CFAP263: variants seen among roughly 807,000 people sequenced by gnomAD.
CFAP263 encodes the protein cilia- and flagella-associated protein 263.
chr16:58,272,199 G>A, the CFAP263 span, among the ~76,000 whole-genome samples: 1 of 151,934 alleles, frequency 6.6e-6, no homozygotes, highest in Non-Finnish European at 1.5e-5. Context: ...TGTATTTTTA[G>A]TAGAGACGGG....
chr16:58,259,907 GAA>G, the CFAP263 span: 2 of 1,604,000 alleles, frequency 1.2e-6, no homozygotes, highest in Non-Finnish European at 1.7e-6. Flanking sequence ...AAGTTCAGAG[GAA>G]AAAAATGCTT....
the CFAP263 span, among the ~76,000 whole-genome samples, chr16:58,250,905 C>T: frequency 6.3e-4 from 96 of 152,100 alleles, 1 homozygote; most frequent in African/African-American, 2.2e-3. Context: ...AAGAATGGCC[C>T]GATAGTCTGC....
the CFAP263 span, among the ~76,000 whole-genome samples, chr16:58,268,010 GAGAGAA>G: frequency 1.4e-5 from 2 of 146,638 alleles, no homozygotes; most frequent in African/African-American, 5.2e-5. Context: ...AGGAAAGAGA[GAGAGAA>G]AGAGAGAGAG....
the CFAP263 span, among the ~76,000 whole-genome samples, chr16:58,265,016 C>T: frequency 1.3e-5 from 2 of 152,172 alleles, no homozygotes; most frequent in African/African-American, 2.4e-5. Context: ...AGCTTTTTCT[C>T]TGACTTTATG....
chr16:58,260,303 G>C, the CFAP263 span, among the ~76,000 whole-genome samples: 5 of 152,178 alleles, frequency 3.3e-5, no homozygotes, highest in African/African-American at 4.8e-5. Flanking sequence ...AGGAAACAGA[G>C]TCTCCCCTAG....
the CFAP263 span, among the ~76,000 whole-genome samples, chr16:58,264,835 G>GA: frequency 6.6e-6 from 1 of 152,314 alleles, no homozygotes; most frequent in African/African-American, 2.4e-5. Flanking sequence ...ACTGAAGTGT[G>GA]AAACCTTGTT....
At chr16:58,280,672 G>A in the CFAP263 span, 18 of 1,614,040 alleles carry the variant, frequency 1.1e-5, 1 homozygote, top group South Asian at 5.5e-5. Flanking sequence ...GCCAGGGCAC[G>A]TCTCACCACC....
the CFAP263 span, chr16:58,258,408 C>T: frequency 1.3e-5 from 21 of 1,613,742 alleles, no homozygotes; most frequent in Middle Eastern, 1.6e-4. Flanking sequence ...AGTGAAGTTT[C>T]GAGAGAAGTG....
At chr16:58,259,118 T>C in the CFAP263 span, among the ~76,000 whole-genome samples, 3 of 152,212 alleles carry the variant, frequency 2.0e-5, no homozygotes, top group African/African-American at 7.2e-5. Context: ...TGTTATTTGT[T>C]TCAAGATCTG....
the CFAP263 span, among the ~76,000 whole-genome samples, chr16:58,257,010 A>ATTTGTTTTT: frequency 2.0e-5 from 1 of 50,188 alleles, no homozygotes; most frequent in Non-Finnish European, 3.6e-5. Context: ...GCATATATGA[A>ATTTGTTTTT]TTTCTTTTTT....
the CFAP263 span, among the ~76,000 whole-genome samples, chr16:58,269,393 AGAGGAAAGAAAGGAAAGAAAGGAAGG>A: frequency 3.1e-5 from 3 of 97,736 alleles, no homozygotes; most frequent in Non-Finnish European, 6.5e-5. Context: ...AAGGAAGGAA[AGAGGAAAGAAAGGAAAGAAAGGAAGG>A]GAGGAAAGAA....
chr16:58,262,631 C>A, the CFAP263 span: 1 of 1,314,788 alleles, frequency 7.6e-7, no homozygotes, highest in Non-Finnish European at 1.0e-6. Context: ...TCCAGTTTCA[C>A]ACAGCGTTTG....
chr16:58,259,907 G>GA, the CFAP263 span: 5 of 1,604,104 alleles, frequency 3.1e-6, no homozygotes, highest in Middle Eastern at 1.7e-4. Flanking sequence ...AAGTTCAGAG[G>GA]AAAAAAATGC....
the CFAP263 span, among the ~76,000 whole-genome samples, chr16:58,269,394 G>GAAAGAA: frequency 2.6e-5 from 3 of 116,510 alleles, no homozygotes; most frequent in African/African-American, 9.5e-5. Context: ...AGGAAGGAAA[G>GAAAGAA]AGGAAAGAAA....
chr16:58,258,586 A>G, the CFAP263 span: 2 of 1,506,378 alleles, frequency 1.3e-6, no homozygotes, highest in Non-Finnish European at 1.8e-6. Flanking sequence ...TATGGAAATC[A>G]TCCATGTGAA....
the CFAP263 span, chr16:58,281,715 A>G: frequency 6.0e-3 from 909 of 152,430 alleles, 12 homozygotes; most frequent in East Asian, 0.056. Context: ...GGACTGAGAC[A>G]TGGAATGGGG....
chr16:58,258,748 G>A, the CFAP263 span, among the ~76,000 whole-genome samples: 1 of 152,136 alleles, frequency 6.6e-6, no homozygotes, highest in Non-Finnish European at 1.5e-5. Flanking sequence ...CACTTTGGGA[G>A]GCTGAGGCGG....
At chr16:58,262,333 T>C in the CFAP263 span, 1 of 1,530,182 alleles carries the variant, frequency 6.5e-7, no homozygotes, top group South Asian at 1.2e-5. Context: ...GAGCCATACA[T>C]TCAGAATCAC....
chr16:58,260,373 A>G, the CFAP263 span, among the ~76,000 whole-genome samples: 81 of 152,328 alleles, frequency 5.3e-4, no homozygotes, highest in African/African-American at 1.8e-3. Flanking sequence ...AACCCATTTC[A>G]GACTCCTGAC....
Sources: allele counts gnomAD v4.1 joint callset (sites outside exome capture counted in the v4.1 genomes callset), GRCh38; gene constraint gnomAD v4.1.1; transcripts MANE v1.5; gene names NCBI Gene and HGNC (gene_info 2026-07-23, HGNC 2026-07-21).